Variants in SLFN13 observed in about 807,000 individuals in gnomAD.
SLFN13 encodes the protein schlafen-13.
In SLFN13, 43 loss-of-function variants were observed where a neutral mutation model predicts 50.6. The observed-to-expected ratio is 0.85, with a 90% CI of 0.67 to 1.09. The LOEUF (loss-of-function observed/expected upper bound fraction) is 1.09, where lower values mean the gene tolerates loss of function less well. SLFN13 is among the 50% of genes least tolerant of loss of function. The probability of loss-of-function intolerance (pLI) is 0.00; values close to 1 mark genes in which losing one functional copy is unlikely to be tolerated. For missense variants in SLFN13, 881 were observed against 1,071.1 expected (o/e 0.82, Z 2.48); for synonymous variants, 339 against 386.5 (o/e 0.88, Z 1.44).
chr17:35,449,076 A>AACAACAAC (rs58902173), upstream of SLFN13, among the ~76,000 whole-genome samples: 4,488 of 115,660 alleles, frequency 0.039, 175 homozygotes, highest in East Asian at 0.17. Flanking sequence ...ACAACAACAA[A>AACAACAAC]ATTACTCAGG....
chr17:35,443,901 A>G lies in SLFN13; in HGVS notation c.1086T>C (p.Ala362=), dbSNP rs375576945. ...DADPEFPPDF[A]EAFESQLSLS... The stretch of plus-strand genomic sequence containing the variant: ...GACTCAACTGAGACTCAAAGGCCTC[A>G]GCAAAGTCTGGAGGAAACTCTGAAA... The change falls in exon 4 of 6, where the codon GCT becomes GCC. Residue 362 remains alanine (A), a synonymous_variant. Transcript: ENST00000285013. 232 of 1,613,560 alleles carry G rather than the reference A, an allele frequency of 1.4e-4. No individual in the cohort carries two copies. The highest frequency in any genetic ancestry group is 1.8e-4 in the Non-Finnish European group (217 of 1,179,688).
chr17:35,446,431 G>A (rs998413062), intron 2 of SLFN13, among the ~76,000 whole-genome samples: 1 of 152,176 alleles, frequency 6.6e-6, no homozygotes, highest in South Asian at 2.1e-4. Flanking sequence ...CTAAGGTCTT[G>A]GAGAACAGAG....
At chr17:35,443,941 A>T (rs1913057348) in intron 3 of SLFN13, 21 bp from the exon 4 acceptor site, 1 of 1,609,814 alleles carries the variant, frequency 6.2e-7, no homozygotes, top group Non-Finnish European at 8.5e-7. Flanking sequence ...GAACATTTTA[A>T]TTTACACTAT....
At chr17:35,445,939 G>C (rs979266462) in intron 2 of SLFN13, 4 of 344,866 alleles carry the variant, frequency 1.2e-5, no homozygotes, top group Non-Finnish European at 2.1e-5. Context: ...GTATCTGAAC[G>C]AATCTGGAGA....
chr17:35,449,075 A>ACAAC (rs56390508), upstream of SLFN13, among the ~76,000 whole-genome samples: 1 of 142,704 alleles, frequency 7.0e-6, no homozygotes, highest in African/African-American at 2.6e-5. Flanking sequence ...AACAACAACA[A>ACAAC]AATTACTCAG....
chr17:35,440,497 G>A lies in SLFN13; in HGVS notation c.*98C>T, dbSNP rs1912797597. On this transcript the variant is annotated 3_prime_UTR_variant, in exon 6 of 6. Transcript: ENST00000285013. ...GTCAGCTCTGTCCAAATCTCTAACT[G>A]ACTTGTGAACTAAAAAGAAAGGTTT... 5 of 1,401,006 alleles carry A rather than the reference G, an allele frequency of 3.6e-6. No individual in the cohort carries two copies. The South Asian group carries it at 6.7e-5, about 19-fold the overall frequency. The allele number at this position is 1,401,006 out of a possible 1,614,324, so 86.8% of individuals were successfully genotyped here.
upstream of SLFN13, among the ~76,000 whole-genome samples, chr17:35,449,072 A>G (rs980938209): frequency 1.3e-5 from 2 of 151,300 alleles, no homozygotes; most frequent in African/African-American, 2.4e-5. Context: ...AACAACAACA[A>G]CAAAATTACT....
rs199972321 is a variant in SLFN13, at chr17:35,445,019, T to C, written c.662A>G (p.His221Arg). 1.1e-5 allele frequency: 18 copies of C among 1,614,058 alleles called. No individual in the cohort carries two copies. In the East Asian group the frequency reaches 1.3e-4, roughly 12 times the overall value. Residue 221 changes from histidine (H) to arginine (R), a missense_variant, in exon 3 of 6, where the codon CAT (histidine) becomes CGT (arginine). His to Arg is a conservative substitution (Grantham distance 29, BLOSUM62 0). Transcript: ENST00000285013. The part of the protein sequence containing the change: ...SIEFKQFSTK[H>R]IQQYVENIIP... ...TATATTTTCTACATATTGTTGGATATGTTTTGTAGAGAACTGTTTAAACTC... is the reference window on the plus strand; with the variant it reads ...TATATTTTCTACATATTGTTGGATACGTTTTGTAGAGAACTGTTTAAACTC...
Position 35,445,052 on chromosome 17 carries a change from G to A in SLFN13, c.629C>T (p.Pro210Leu), listed in dbSNP as rs1341005168. 1.9e-6 allele frequency: 3 copies of A among 1,613,916 alleles called. No homozygotes were observed. The African/African-American group carries it at 4.0e-5, about 22-fold the overall frequency. ...AGAGAACTGTTTAAACTCTATGGAT[G>A]GAGACTCAGGAAAAGATAGGATTTC... Reference protein sequence around the residue: ...YGEILSFPESPSIEFKQFSTK... With the variant: ...YGEILSFPESLSIEFKQFSTK... The change falls in exon 3 of 6, where the codon CCA becomes CTA. Residue 210 changes from proline to leucine, a missense_variant. This residue lies in a region of SLFN13 where 497 missense variants were observed against 518.3 expected (regional missense o/e 0.96). Transcript: ENST00000285013.
upstream of SLFN13, among the ~76,000 whole-genome samples, chr17:35,449,578 T>C (rs960200728): frequency 6.6e-6 from 1 of 152,140 alleles, no homozygotes; most frequent in South Asian, 2.1e-4. Flanking sequence ...CTGGCTGGAT[T>C]TGTGGCTCCG....
chr17:35,446,643 T>C (rs909612534), intron 2 of SLFN13: 1 of 152,246 alleles, frequency 6.6e-6, no homozygotes, highest in African/African-American at 2.4e-5. Flanking sequence ...AAGGAACCTA[T>C]ATTAATTGAC....
At position 35,440,800 on chromosome 17, in the gene SLFN13, A is replaced by C; in HGVS notation, c.2489T>G (p.Met830Arg). Reference protein sequence around the residue: ...EQYQSKLLKAMRKKMVVQLSD... With the variant: ...EQYQSKLLKARRKKMVVQLSD... ...GAGCTGCACCACCATTTTCTTCCTC[A>C]TTGCTTTCAAGAGCTTAGACTGATA... Residue 830 changes from methionine (M) to arginine (R), a missense_variant, in exon 6 of 6, where the codon ATG (methionine) becomes AGG (arginine). Coordinates refer to ENST00000285013, the MANE Select transcript of SLFN13 (RefSeq NM_144682.6). 1.2e-6 allele frequency: 2 copies of C among 1,614,018 alleles called. No individual in the cohort carries two copies. The highest frequency in any genetic ancestry group is 1.7e-6 in the Non-Finnish European group (2 of 1,179,996).
At position 35,441,068 on chromosome 17, in the gene SLFN13, T is replaced by G. The variant is rs114737688; in HGVS notation, c.2221A>C (p.Ile741Leu). The G allele has an allele frequency of 1.2e-6, 2 of 1,613,966 alleles. No individual in the cohort carries two copies. Among genetic ancestry groups the G allele is most frequent in the Non-Finnish European group, 8.5e-7 (1 of 1,180,010 alleles). The change falls in exon 6 of 6, where the codon ATA becomes CTA. Residue 741 changes from isoleucine (I) to leucine (L), a missense_variant. Physicochemically the swap from Ile to Leu is conservative, Grantham distance 5. Around this residue, in one of 5 missense-constraint regions of SLFN13, gnomAD observed 322 missense variants for 327.4 expected, o/e 0.98. Transcript: ENST00000285013. Reference sequence around the variant, plus strand: ...ATAATTAGTTGCATTTCTTGTTGTATGTACTCGGCTATTTCATCTGCATTG... The same window carrying G: ...ATAATTAGTTGCATTTCTTGTTGTAGGTACTCGGCTATTTCATCTGCATTG... ...VRNADEIAEY[I>L]QQEMQLIIEN...
chr17:35,436,886 A>G lies in SLFN13; in HGVS notation c.*3709T>C, dbSNP rs1912658923. The stretch of plus-strand genomic sequence containing the variant: ...CTGGACCAGAACTTTTTCTCTTTTG[A>G]GAAAAAAACATAAAGACACTTGAGG... On this transcript the variant is annotated 3_prime_UTR_variant, in exon 6 of 6. Transcript: ENST00000285013. 1 of 152,154 alleles carries G rather than the reference A, an allele frequency of 6.6e-6. No individual in the cohort carries two copies. The highest frequency in any genetic ancestry group is 1.5e-5 in the Non-Finnish European group (1 of 68,022). The allele number at this position is 152,154 out of a possible 1,614,324, so 9.4% of individuals were successfully genotyped here. A position where few individuals can be genotyped will look rare whatever the true frequency, so the allele number is the denominator to read the frequency against.
At position 35,445,316 on chromosome 17, in the gene SLFN13, G is replaced by T; in HGVS notation, c.365C>A (p.Ser122Tyr). 1 of 1,613,742 alleles carries T rather than the reference G, an allele frequency of 6.2e-7. No individual in the cohort carries two copies. Among genetic ancestry groups the T allele is most frequent in the Non-Finnish European group, 8.5e-7 (1 of 1,179,944 alleles). ...WSGDPFLKDGSFNSRICSLSS... is the reference protein window; with the variant it reads ...WSGDPFLKDGYFNSRICSLSS... ...AAGGCTGCAAATGCGGGAATTGAAA[G>T]AACCATCTTTAAGGAAAGGATCACC... Residue 122 changes from serine (S) to tyrosine (Y), a missense_variant, in exon 3 of 6, where the codon TCT becomes TAT. Ser to Tyr is a moderately radical substitution (Grantham distance 144). Around this residue, in one of 5 missense-constraint regions of SLFN13, gnomAD observed 497 missense variants for 518.3 expected, o/e 0.96. Transcript: ENST00000285013.
rs1406995474 is a variant in SLFN13 at position 35,440,132 on chromosome 17, C to T, written c.*463G>A. On this transcript the variant is annotated 3_prime_UTR_variant, in exon 6 of 6. Coordinates refer to ENST00000285013, the MANE Select transcript of SLFN13 (RefSeq NM_144682.6). ...TAAATTCAGGAAACAACTGCTTCTC[C>T]TATGGCCTGTAAGCTCCTAACAGAC... is the stretch of plus-strand genomic sequence containing the variant. The T allele has an allele frequency of 3.7e-5, 6 of 160,744 alleles. No individual in the cohort carries two copies. The highest frequency in any genetic ancestry group is 1.8e-4 in the South Asian group (1 of 5,406). The allele number at this position is 160,744 out of a possible 1,614,324, so 10.0% of individuals were successfully genotyped here. A position where few individuals can be genotyped will look rare whatever the true frequency, so the allele number is the denominator to read the frequency against.
intron 2 of SLFN13, chr17:35,447,052 A>AGTT (rs1913248175): frequency 6.6e-6 from 1 of 152,194 alleles, no homozygotes; most frequent in Non-Finnish European, 1.5e-5. Flanking sequence ...AACTGTATTC[A>AGTT]AATGGCAACC....
rs1008178905 is a variant in SLFN13, at chr17:35,444,823, G to C, written c.858C>G (p.Cys286Trp). 1.2e-6 allele frequency: 2 copies of C among 1,614,020 alleles called. No individual in the cohort carries two copies. Among genetic ancestry groups the C allele is most frequent in the East Asian group, 2.2e-5 (1 of 44,902 alleles). ...TGTACTCTACCCGAGGTTTTGAAGAGCAAAAATGAACAATGGGCAACTTAG... is the reference window on the plus strand; with the variant it reads ...TGTACTCTACCCGAGGTTTTGAAGACCAAAAATGAACAATGGGCAACTTAG... The part of the protein sequence containing the change: ...AISKLPIVHF[C>W]SSKPRVEYST... Residue 286 changes from cysteine to tryptophan, a missense_variant, in exon 3 of 6, where the codon TGC becomes TGG. By Grantham distance (215) the Cys-to-Trp change is radical. This residue lies in a region of SLFN13 where 497 missense variants were observed against 518.3 expected (regional missense o/e 0.96). Transcript: ENST00000285013.
Position 35,444,519 on chromosome 17 carries a change from G to A in SLFN13, c.1066+96C>T, listed in dbSNP as rs1913086668. The A allele has an allele frequency of 3.7e-6, 4 of 1,082,680 alleles. No homozygotes were observed. The East Asian group carries it at 7.5e-5, about 20-fold the overall frequency. The allele number at this position is 1,082,680 out of a possible 1,614,324, so 67.1% of individuals were successfully genotyped here. ...GGAGATTTAGAGAAAGTAAATTTCA[G>A]TGGGTGTGAGAAGGTCAAGCTTAGA... On this transcript the variant is annotated intron_variant, in intron 3 of 5. Coordinates refer to ENST00000285013, the MANE Select transcript of SLFN13 (RefSeq NM_144682.6).
Sources: gnomAD v4.1 joint callset for allele counts (sites outside exome capture counted in the v4.1 genomes callset) on GRCh38, gnomAD v4.1.1 for gene constraint, gnomAD v4.1.1 regional missense constraint, MANE v1.5 for transcripts, NCBI Gene and HGNC (gene_info 2026-07-23, HGNC 2026-07-21) for gene names.